The following CSNK2A1 variants were observed in gnomAD, a reference collection of about 807,000 sequenced individuals.
CSNK2A1 encodes the protein casein kinase II subunit alpha.
In CSNK2A1, 10 loss-of-function variants were observed where a neutral mutation model predicts 62.9. That is an observed-to-expected ratio of 0.16 (90% CI 0.10 to 0.27). The LOEUF (loss-of-function observed/expected upper bound fraction) is 0.27, where lower values mean the gene tolerates loss of function less well. Among genes scored for constraint, CSNK2A1 ranks in the 10% least tolerant of loss-of-function variants. CSNK2A1 has a pLI of 1.00. For synonymous variants in CSNK2A1, 124 were observed against 167.8 expected, an observed-to-expected ratio of 0.74 and a Z score of 2.02; for missense variants, 160 against 492.0, an observed-to-expected ratio of 0.33 and a Z score of 6.38.
At chr20:533,477 C>T (rs1180321897) in intron 1 of CSNK2A1, among the ~76,000 whole-genome samples, 1 of 152,164 alleles carries the variant, frequency 6.6e-6, no homozygotes, top group Non-Finnish European at 1.5e-5. Context: ...GTGGCACACA[C>T]CTGTAGTCCC....
At chr20:535,012 AAC>A (rs1320518557) in intron 1 of CSNK2A1, among the ~76,000 whole-genome samples, 1 of 133,376 alleles carries the variant, frequency 7.5e-6, no homozygotes, top group African/African-American at 2.9e-5. Flanking sequence ...CCAGCCTGGC[AAC>A]AGAGTGAGAT....
chr20:501,849 A>G (rs750441631), intron 4 of CSNK2A1: 4 of 152,228 alleles, frequency 2.6e-5, no homozygotes, highest in Non-Finnish European at 2.9e-5. Context: ...AGAACCCACC[A>G]AGATTCACTA....
chr20:524,595 T>C (rs556098197), intron 2 of CSNK2A1, among the ~76,000 whole-genome samples: 145 of 145,394 alleles, frequency 1.0e-3, no homozygotes, highest in Admixed American at 2.2e-3. Flanking sequence ...CTGGGTGTGG[T>C]GGCGGGTGCC....
rs561116488 is a variant in CSNK2A1, at chr20:505,339, A to G, written c.102-110T>C. On this transcript the variant is annotated intron_variant, in intron 3 of 13. Coordinates refer to ENST00000217244, the MANE Select transcript of CSNK2A1 (RefSeq NM_177559.3). Reference sequence around the variant, plus strand: ...ATAGAAATAAGAAGTATTTCAAACAATTCCCAAATAGGTTTTTTTTTTTTT... The same window carrying G: ...ATAGAAATAAGAAGTATTTCAAACAGTTCCCAAATAGGTTTTTTTTTTTTT... The G allele has an allele frequency of 9.7e-6, 6 of 616,894 alleles. No homozygotes were observed. The African/African-American group carries it at 1.0e-4, about 10-fold the overall frequency. 38.2% of individuals were successfully genotyped at this position (616,894 alleles called of 1,614,324 possible).
chr20:494,045 T>G (rs1334731258), intron 8 of CSNK2A1: 1 of 148,736 alleles, frequency 6.7e-6, no homozygotes, highest in Non-Finnish European at 1.5e-5. Context: ...TTTTTTTTTT[T>G]GAGACGCAGT....
intron 10 of CSNK2A1, chr20:488,981 T>C (rs1406712818): frequency 2.2e-6 from 1 of 456,740 alleles, no homozygotes; most frequent in African/African-American, 2.0e-5. Context: ...TCTTGAAATG[T>C]CACCCTGGTG....
At position 500,108 on chromosome 20, in the gene CSNK2A1, T is replaced by C. The variant is rs944842285; in HGVS notation, c.214-174A>G. 7.0e-6 allele frequency: 4 copies of C among 571,340 alleles called. No homozygotes were observed. In the African/African-American group the frequency reaches 7.5e-5, roughly 11 times the overall value. The allele number at this position is 571,340 out of a possible 1,614,324, so 35.4% of individuals were successfully genotyped here. On this transcript the variant is annotated intron_variant, in intron 4 of 13. Transcript: ENST00000217244. ...TCTCCTAGCACTGTGCCAGGTATTC[T>C]GCAGGTACTTACAAATGTTGAATTG...
intron 3 of CSNK2A1, chr20:506,150 A>C (rs11696480): frequency 0.055 from 8,404 of 152,332 alleles, 319 homozygotes; most frequent in Non-Finnish European, 0.083. Context: ...TGCTGGGATT[A>C]CAGGCGTGAG....
intron 4 of CSNK2A1, chr20:503,533 C>T (rs1252488096): frequency 6.0e-5 from 24 of 398,534 alleles, no homozygotes; most frequent in Middle Eastern, 6.2e-4. Context: ...ATCAACCCAT[C>T]GTTGAATCTG....
rs141291711 is a variant in CSNK2A1 at position 494,804 on chromosome 20, A to G, written c.510+915T>C. ...TTATCCTTGCTGCTGCTCTTCCAAC[A>G]TGCCAAACATATCCTTACCTGAAGG... On this transcript the variant is annotated intron_variant, in intron 8 of 13. Transcript: ENST00000217244. 4 of 152,298 alleles carry G rather than the reference A, an allele frequency of 2.6e-5. No homozygotes were observed. In the East Asian group the frequency reaches 7.7e-4, roughly 29 times the overall value. The allele number at this position is 152,298 out of a possible 1,614,324, so 9.4% of individuals were successfully genotyped here.
At position 489,725 on chromosome 20, in the gene CSNK2A1, C is replaced by T. The variant is rs1316636269; in HGVS notation, c.723+55G>A. 18 of 1,420,156 alleles carry T rather than the reference C, an allele frequency of 1.3e-5. No individual in the cohort carries two copies. The African/African-American group carries it at 2.0e-4, about 16-fold the overall frequency. The allele number at this position is 1,420,156 out of a possible 1,614,324, so 88.0% of individuals were successfully genotyped here. A position where few individuals can be genotyped will look rare whatever the true frequency, so the allele number is the denominator to read the frequency against. On this transcript the variant is annotated intron_variant, in intron 10 of 13. Transcript: ENST00000217244. ...AGTGAACTGAAAGTTACAGGCAGTG[C>T]TGGCTATCATTGCATTAGGCCAGTA...
chr20:523,684 G>A (rs1322965104), intron 2 of CSNK2A1, among the ~76,000 whole-genome samples: 2 of 152,088 alleles, frequency 1.3e-5, no homozygotes, highest in African/African-American at 2.4e-5. Flanking sequence ...AAGGTCAGGA[G>A]ATCGAGACCA....
chr20:497,856 A>C (rs1600381056), intron 6 of CSNK2A1, 76 bp from the exon 7 acceptor site: 3 of 1,333,700 alleles, frequency 2.2e-6, no homozygotes, highest in African/African-American at 2.9e-5. Context: ...ACAGTAATTC[A>C]AACCAAGACT....
chr20:484,992 G>A (rs772621849), intron 13 of CSNK2A1, among the ~76,000 whole-genome samples: 93 of 137,448 alleles, frequency 6.8e-4, no homozygotes, highest in Admixed American at 1.6e-3. Flanking sequence ...GCTTGAACCC[G>A]GGAGGCGGAG....
intron 2 of CSNK2A1, chr20:526,564 T>C (rs1238502600): frequency 3.3e-5 from 5 of 151,710 alleles, no homozygotes; most frequent in African/African-American, 1.2e-4. Context: ...TGAGCTATGA[T>C]CATGTCACTG....
intron 1 of CSNK2A1, among the ~76,000 whole-genome samples, chr20:532,829 G>A (rs2019240743): frequency 1.3e-5 from 2 of 152,054 alleles, no homozygotes; most frequent in Admixed American, 1.3e-4. Context: ...CAACCATTTC[G>A]TCTGGAAGAT....
chr20:505,019 G>A, intron 4 of CSNK2A1, 99 bp downstream of exon 4: 3 of 956,638 alleles, frequency 3.1e-6, no homozygotes, highest in Non-Finnish European at 1.5e-6. Flanking sequence ...TATTTGCTTT[G>A]GCACCAAAAA....
intron 4 of CSNK2A1, chr20:501,603 A>G (rs1416255605): frequency 2.0e-5 from 3 of 152,296 alleles, no homozygotes; most frequent in Admixed American, 6.5e-5. Flanking sequence ...TTACTCTTAC[A>G]GCATATCTCA....
Position 483,631 on chromosome 20 carries a change from G to C in CSNK2A1, c.*330C>G, listed in dbSNP as rs561507875. 3.4e-4 allele frequency: 57 copies of C among 165,634 alleles called. No homozygotes were observed. Among genetic ancestry groups the C allele is most frequent in the African/African-American group, 1.3e-3 (56 of 42,088 alleles). 10.3% of individuals were successfully genotyped at this position (165,634 alleles called of 1,614,324 possible). A position where few individuals can be genotyped will look rare whatever the true frequency, so the allele number is the denominator to read the frequency against. On this transcript the variant is annotated 3_prime_UTR_variant, in exon 14 of 14. Coordinates refer to ENST00000217244, the MANE Select transcript of CSNK2A1 (RefSeq NM_177559.3). ...GTCTCCACCTAAATGCAGCAGCCGG[G>C]ATTGAGGCTGGTTTATCTTTGTTCT... is the stretch of plus-strand genomic sequence containing the variant.
Sources: gnomAD v4.1 joint callset for allele counts (sites outside exome capture counted in the v4.1 genomes callset) on GRCh38, gnomAD v4.1.1 for gene constraint, MANE v1.5 for transcripts, NCBI Gene and HGNC (gene_info 2026-07-23, HGNC 2026-07-21) for gene names.